Variants in NAALADL2 observed in about 807,000 individuals in gnomAD.
The protein encoded by NAALADL2 is N-acetylated alpha-linked acidic dipeptidase like 2.
In NAALADL2, 76 loss-of-function variants were observed where a neutral mutation model predicts 87.2. The ratio of observed to expected loss-of-function variants is 0.87; its 90% CI spans 0.72 to 1.05. The LOEUF is 1.05. NAALADL2 is among the 50% of genes least tolerant of loss of function. NAALADL2 has a pLI of 0.00. For missense variants in NAALADL2, 1,089 were observed against 945.8 expected, an observed-to-expected ratio of 1.15 and a Z score of -1.99; for synonymous variants, 354 against 331.0, an observed-to-expected ratio of 1.07 and a Z score of -0.75.
intron 5 of NAALADL2, among the ~76,000 whole-genome samples, chr3:175,325,232 A>T (rs1409059836): frequency 6.6e-6 from 1 of 152,194 alleles, no homozygotes; most frequent in Non-Finnish European, 1.5e-5. Flanking sequence ...TGTTAACTTT[A>T]CCAATTAATT....
chr3:175,461,287 G>A (rs115468640), intron 6 of NAALADL2, among the ~76,000 whole-genome samples: 3,491 of 151,180 alleles, frequency 0.023, 148 homozygotes, highest in East Asian at 0.14. Context: ...TAGACACAGA[G>A]AGCTGATGGT....
rs924256350 is a variant in NAALADL2, at chr3:175,698,427, A to G, written c.1897-38879A>G. The stretch of plus-strand genomic sequence containing the variant: ...TGTATTTATGTATGTATACATATGT[A>G]TGTGTATATATTTATGTATGTATAC... On this transcript the variant is annotated intron_variant, in intron 11 of 13. Transcript: ENST00000454872. Among the ~76,000 whole-genome samples, 20 of 135,950 alleles carry G rather than the reference A, an allele frequency of 1.5e-4. 2 individuals are homozygous for G. Among genetic ancestry groups the G allele is most frequent in the Admixed American group, 4.4e-4 (6 of 13,586 alleles). 89.2% of individuals were successfully genotyped at this position (135,950 alleles called of 152,430 possible). A position where few individuals can be genotyped will look rare whatever the true frequency, so the allele number is the denominator to read the frequency against.
At chr3:174,941,271 G>A (rs1036834516) in intron 1 of NAALADL2, among the ~76,000 whole-genome samples, 1 of 152,048 alleles carries the variant, frequency 6.6e-6, no homozygotes, top group Non-Finnish European at 1.5e-5. Context: ...AACTCATTCA[G>A]GAACATGTTG....
At chr3:174,604,389 G>T (rs1308503461) in intron 2 of NAALADL2, among the ~76,000 whole-genome samples, 1 of 151,966 alleles carries the variant, frequency 6.6e-6, no homozygotes, top group Non-Finnish European at 1.5e-5. Context: ...TACTCCTGCT[G>T]TTTTTTCATT....
At chr3:174,703,721 C>T (rs866793030) in intron 2 of NAALADL2, among the ~76,000 whole-genome samples, 15 of 152,260 alleles carry the variant, frequency 9.9e-5, no homozygotes, top group Middle Eastern at 3.4e-3. Context: ...CGTTAAGGTA[C>T]AGTGCTTAGC....
rs71624286 is a variant in NAALADL2, at chr3:174,501,077, A to ATT, written c.-183-49474_-183-49473dup. On this transcript the variant is annotated intron_variant, in intron 1 of 3. Coordinates refer to the NAALADL2 transcript ENST00000434257. ...TACTTACATAGGCATATAGGTCTCA[A>ATT]TTTTTTTTTTTTTTTTTTTGAGACG... Among the ~76,000 whole-genome samples, 119 of 109,768 alleles carry ATT rather than the reference A, an allele frequency of 1.1e-3. 2 individuals are homozygous for ATT. Among genetic ancestry groups the ATT allele is most frequent in the East Asian group, 8.6e-3 (34 of 3,936 alleles). 72.0% of individuals were successfully genotyped at this position (109,768 alleles called of 152,430 possible).
At chr3:175,500,218 C>T (rs6443305) in intron 9 of NAALADL2, among the ~76,000 whole-genome samples, 1 of 151,774 alleles carries the variant, frequency 6.6e-6, no homozygotes, top group South Asian at 2.1e-4. Flanking sequence ...GGGAAAAAAT[C>T]GCTGCCATTA....
chr3:174,690,890 A>G (rs1728514833), intron 2 of NAALADL2, among the ~76,000 whole-genome samples: 1 of 152,162 alleles, frequency 6.6e-6, no homozygotes, highest in Non-Finnish European at 1.5e-5. Context: ...AACGTATGGC[A>G]TGACAACTGT....
At chr3:174,958,081 T>C (rs1159589747) in intron 1 of NAALADL2, among the ~76,000 whole-genome samples, 10 of 151,058 alleles carry the variant, frequency 6.6e-5, no homozygotes, top group Non-Finnish European at 1.3e-4. Flanking sequence ...CATCCTCCCC[T>C]CCGGAAGGAA....
intron 1 of NAALADL2, among the ~76,000 whole-genome samples, chr3:174,916,874 A>T (rs2108329516): frequency 6.6e-6 from 1 of 152,258 alleles, no homozygotes; most frequent in East Asian, 1.9e-4. Flanking sequence ...ATAAAAAATT[A>T]AATTACTTAA....
At chr3:175,497,610 T>C (rs1728990484) in intron 9 of NAALADL2, among the ~76,000 whole-genome samples, 1 of 152,134 alleles carries the variant, frequency 6.6e-6, no homozygotes, top group South Asian at 2.1e-4. Flanking sequence ...AATAGATAGA[T>C]TAGCCAAACA....
chr3:175,032,371 C>G (rs896121215), intron 1 of NAALADL2, among the ~76,000 whole-genome samples: 1 of 151,918 alleles, frequency 6.6e-6, no homozygotes, highest in Non-Finnish European at 1.5e-5. Context: ...ATGCGGTAAG[C>G]TCTATTAAGC....
chr3:175,618,208 C>T (rs1341136900), intron 10 of NAALADL2, among the ~76,000 whole-genome samples: 2 of 152,166 alleles, frequency 1.3e-5, no homozygotes, highest in Non-Finnish European at 2.9e-5. Context: ...TTGCCAGGAA[C>T]CCCCTTAATT....
intron 4 of NAALADL2, among the ~76,000 whole-genome samples, chr3:175,312,221 G>A (rs1265117868): frequency 6.6e-6 from 1 of 152,024 alleles, no homozygotes; most frequent in East Asian, 1.9e-4. Context: ...AAAAATATCT[G>A]CCTAAGAAGT....
intron 2 of NAALADL2, among the ~76,000 whole-genome samples, chr3:174,563,607 T>A (rs1713889572): frequency 6.6e-6 from 1 of 151,928 alleles, no homozygotes; most frequent in Non-Finnish European, 1.5e-5. Flanking sequence ...TTTGTAGTAT[T>A]CTTATTATTA....
intron 2 of NAALADL2, among the ~76,000 whole-genome samples, chr3:174,729,571 C>T (rs1732512275): frequency 6.6e-6 from 1 of 151,940 alleles, no homozygotes; most frequent in Non-Finnish European, 1.5e-5. Flanking sequence ...TGATTATATA[C>T]TTTGTGTTAT....
intron 1 of NAALADL2, among the ~76,000 whole-genome samples, chr3:174,872,524 T>G (rs1727959566): frequency 6.6e-6 from 1 of 152,194 alleles, no homozygotes; most frequent in African/African-American, 2.4e-5. Flanking sequence ...CATATTTAAA[T>G]TTAAACATGC....
chr3:175,606,291 G>C (rs558644874), intron 10 of NAALADL2, among the ~76,000 whole-genome samples: 1 of 152,108 alleles, frequency 6.6e-6, no homozygotes, highest in Non-Finnish European at 1.5e-5. Context: ...GAAAAGCAAA[G>C]CCACTGGAAG....
intron 3 of NAALADL2, among the ~76,000 whole-genome samples, chr3:174,772,773 C>T (rs1441756929): frequency 6.6e-6 from 1 of 152,104 alleles, no homozygotes; most frequent in African/African-American, 2.4e-5. Flanking sequence ...AAGAGAGGAA[C>T]CCATGAAACA....
Sources: allele counts gnomAD v4.1 joint callset (sites outside exome capture counted in the v4.1 genomes callset), GRCh38; gene constraint gnomAD v4.1.1; transcripts MANE v1.5; gene names NCBI Gene and HGNC (gene_info 2026-07-23, HGNC 2026-07-21).